Variants in RARB observed in about 807,000 individuals in gnomAD.
The protein encoded by RARB is HBV-activated protein.
In RARB, 17 loss-of-function variants were observed where a neutral mutation model predicts 51.9. The ratio of observed to expected loss-of-function variants is 0.33; its 90% CI spans 0.22 to 0.49. The LOEUF (loss-of-function observed/expected upper bound fraction) is 0.49. Ranked by LOEUF, RARB falls within the 20% of genes least tolerant of loss-of-function variation. The pLI is 0.99. For synonymous variants in RARB, 215 were observed against 195.4 expected, an observed-to-expected ratio of 1.10 and a Z score of -0.84; for missense variants, 369 against 550.8, an observed-to-expected ratio of 0.67 and a Z score of 3.30.
intron 3 of RARB, among the ~76,000 whole-genome samples, chr3:25,566,158 C>T (rs1700485583): frequency 1.3e-5 from 2 of 152,204 alleles, no homozygotes; most frequent in Admixed American, 6.5e-5. Context: ...TTCTTGGCAG[C>T]CCTTCTCAAA....
At chr3:25,093,952 C>T (rs1587431) in intron 3 of RARB, among the ~76,000 whole-genome samples, 105,787 of 151,964 alleles carry the variant, frequency 0.7, 37,831 homozygotes, top group Admixed American at 0.79. Context: ...AACACATATA[C>T]ACACAAAACA....
rs188895932 is a variant in RARB at position 25,383,702 on chromosome 3, C to A, written c.179-77491C>A. Reference sequence around the variant, plus strand: ...CAGCACTTTGGGAGGCCGAGGCGAGCGGATCATCTGAGGTCAGGAGTTCAC... The same window carrying A: ...CAGCACTTTGGGAGGCCGAGGCGAGAGGATCATCTGAGGTCAGGAGTTCAC... On this transcript the variant is annotated intron_variant, in intron 5 of 11. Coordinates refer to the RARB transcript ENST00000383772. Among the ~76,000 whole-genome samples the A allele has an allele frequency of 1.8e-4, 28 of 152,120 alleles. No individual in the cohort carries two copies. In the East Asian group the frequency reaches 5.4e-3, roughly 30 times the overall value.
intron 1 of RARB, among the ~76,000 whole-genome samples, chr3:24,829,860 G>C (rs1437557902): frequency 6.6e-6 from 1 of 152,222 alleles, no homozygotes; most frequent in Non-Finnish European, 1.5e-5. Flanking sequence ...CTTAGGGCTG[G>C]GCACGGCGAA....
At chr3:25,420,122 T>C (rs1431556612) in intron 5 of RARB, among the ~76,000 whole-genome samples, 4 of 152,192 alleles carry the variant, frequency 2.6e-5, no homozygotes. Context: ...GTGTATAATG[T>C]GCTTTTATGC....
intron 5 of RARB, among the ~76,000 whole-genome samples, chr3:25,418,843 A>T (rs1707778713): frequency 6.6e-6 from 1 of 152,086 alleles, no homozygotes; most frequent in African/African-American, 2.4e-5. Context: ...TTAGGGTGAT[A>T]AGATAACAGG....
In RARB at chr3:25,596,592, C is replaced by G. The variant is rs1246506443; in HGVS notation, c.1323C>G (p.Val441=). The G allele has an allele frequency of 1.2e-6, 2 of 1,609,472 alleles. No homozygotes were observed. Among genetic ancestry groups the G allele is most frequent in the Non-Finnish European group, 1.7e-6 (2 of 1,176,570 alleles). Residue 441 remains valine (V), a synonymous_variant, in exon 8 of 8, where the codon GTC becomes GTG. Coordinates refer to ENST00000330688, the MANE Select transcript of RARB (RefSeq NM_000965.5). ...ISPSSVENSG[V]SQSPLVQ ...CCAGCTCAGTGGAAAACAGTGGGGTCAGTCAGTCACCACTCGTGCAATAAG... is the reference window on the plus strand; with the variant it reads ...CCAGCTCAGTGGAAAACAGTGGGGTGAGTCAGTCACCACTCGTGCAATAAG...
chr3:25,466,590 T>G (rs1425263957), intron 2 of RARB, among the ~76,000 whole-genome samples: 1 of 152,226 alleles, frequency 6.6e-6, no homozygotes, highest in Non-Finnish European at 1.5e-5. Flanking sequence ...TAGTGTTCTT[T>G]CTGCAGTTCT....
chr3:25,586,987 G>A (rs1285009208), intron 5 of RARB, among the ~76,000 whole-genome samples: 1 of 152,226 alleles, frequency 6.6e-6, no homozygotes, highest in Non-Finnish European at 1.5e-5. Flanking sequence ...GGTAGCCAGT[G>A]TAGCGGTTAA....
intron 3 of RARB, among the ~76,000 whole-genome samples, chr3:25,089,832 A>G (rs1358064374): frequency 1.3e-5 from 2 of 152,122 alleles, no homozygotes; most frequent in Non-Finnish European, 2.9e-5. Context: ...TGCTTTTCAT[A>G]GATTCTATTC....
At chr3:25,127,965 G>A (rs1699888496) in intron 3 of RARB, among the ~76,000 whole-genome samples, 1 of 152,108 alleles carries the variant, frequency 6.6e-6, no homozygotes. Flanking sequence ...CCCTCCTAAT[G>A]AAGTTCCTCC....
intron 5 of RARB, among the ~76,000 whole-genome samples, chr3:25,232,069 G>C (rs1425655554): frequency 6.6e-6 from 1 of 151,958 alleles, no homozygotes; most frequent in Non-Finnish European, 1.5e-5. Context: ...TTTGCATATA[G>C]ATATCAAATT....
chr3:24,902,841 A>G (rs930147737), intron 2 of RARB, among the ~76,000 whole-genome samples: 6 of 152,338 alleles, frequency 3.9e-5, no homozygotes, highest in African/African-American at 1.4e-4. Context: ...GATATTTTAC[A>G]TTAATTATAT....
chr3:25,237,878 GCTT>G (rs1160809549), intron 5 of RARB, among the ~76,000 whole-genome samples: 1 of 151,964 alleles, frequency 6.6e-6, no homozygotes, highest in Non-Finnish European at 1.5e-5. Context: ...GTTGTGACTG[GCTT>G]CTTTTTTTTT....
intron 3 of RARB, among the ~76,000 whole-genome samples, chr3:25,506,877 C>T (rs1001867941): frequency 6.6e-5 from 10 of 152,230 alleles, no homozygotes; most frequent in Admixed American, 5.9e-4. Flanking sequence ...AGTAGACACA[C>T]CCAGCTTCCA....
intron 5 of RARB, among the ~76,000 whole-genome samples, chr3:25,203,784 T>A (rs989926784): frequency 3.3e-5 from 5 of 152,126 alleles, no homozygotes; most frequent in Admixed American, 2.6e-4. Flanking sequence ...GCTTGTAGAG[T>A]TTCTGTCAAG....
At chr3:25,247,632 C>T (rs1272840630) in intron 5 of RARB, among the ~76,000 whole-genome samples, 1 of 152,214 alleles carries the variant, frequency 6.6e-6, no homozygotes, top group African/African-American at 2.4e-5. Context: ...TGCTTCTGCT[C>T]ATCCTCCATG....
intron 3 of RARB, among the ~76,000 whole-genome samples, chr3:25,120,664 C>A (rs1699770015): frequency 6.6e-6 from 1 of 151,662 alleles, no homozygotes; most frequent in Admixed American, 6.6e-5. Context: ...TTTTGTCAGT[C>A]AAAAATGGAT....
At chr3:25,120,333 G>C (rs146131534) in intron 3 of RARB, among the ~76,000 whole-genome samples, 1 of 152,248 alleles carries the variant, frequency 6.6e-6, no homozygotes, top group East Asian at 1.9e-4. Context: ...CTGTTACTCA[G>C]ATCCAGTGAC....
intron 5 of RARB, among the ~76,000 whole-genome samples, chr3:25,413,282 ATTCACT>A (rs1707615193): frequency 6.6e-6 from 1 of 151,966 alleles, no homozygotes; most frequent in African/African-American, 2.4e-5. Flanking sequence ...TGTAACATTC[ATTCACT>A]CTATTGCACA....
Sources: gnomAD v4.1 joint callset for allele counts (sites outside exome capture counted in the v4.1 genomes callset) on GRCh38, gnomAD v4.1.1 for gene constraint, MANE v1.5 for transcripts, NCBI Gene and HGNC (gene_info 2026-07-23, HGNC 2026-07-21) for gene names.